Variants in TRPM3 observed in about 807,000 individuals in gnomAD.
The protein encoded by TRPM3 is long transient receptor potential channel 3.
A neutral mutation model predicts 181.2 loss-of-function variants in TRPM3; 77 were observed. The ratio of observed to expected loss-of-function variants is 0.42; its 90% CI spans 0.35 to 0.51. The LOEUF (loss-of-function observed/expected upper bound fraction) is 0.51. Ranked by LOEUF, TRPM3 falls within the 20% of genes least tolerant of loss-of-function variation. The pLI, the probability that TRPM3 is intolerant of heterozygous loss-of-function variation, is 0.01. For synonymous variants in TRPM3, 745 were observed against 796.4 expected, an observed-to-expected ratio of 0.94 and a Z score of 1.09; for missense variants, 1,759 against 2,196.7, an observed-to-expected ratio of 0.80 and a Z score of 3.98.
chr9:71,425,640 G>C (rs2093849985), intron 1 of TRPM3, among the ~76,000 whole-genome samples: 1 of 151,876 alleles, frequency 6.6e-6, no homozygotes, highest in Non-Finnish European at 1.5e-5. Flanking sequence ...CTTTTCTTTT[G>C]CCTTTTCCAA....
At chr9:70,595,412 G>A (rs1368320835) in intron 21 of TRPM3, among the ~76,000 whole-genome samples, 3 of 152,118 alleles carry the variant, frequency 2.0e-5, no homozygotes, top group Non-Finnish European at 2.9e-5. Context: ...TCATAACTGC[G>A]TGTGTGTGTG....
chr9:70,949,381 G>A (rs995621720), intron 1 of TRPM3, among the ~76,000 whole-genome samples: 2 of 151,996 alleles, frequency 1.3e-5, no homozygotes, highest in Non-Finnish European at 2.9e-5. Context: ...CTAAGCAGAT[G>A]TAGCTGTGTT....
intron 8 of TRPM3, among the ~76,000 whole-genome samples, chr9:70,687,251 A>G (rs2067205545): frequency 6.6e-6 from 1 of 152,010 alleles, no homozygotes; most frequent in African/African-American, 2.4e-5. Context: ...TTTTTGTGTT[A>G]TTTGAGGATG....
chr9:71,041,688 T>C (rs1416770058), intron 1 of TRPM3, among the ~76,000 whole-genome samples: 1 of 152,192 alleles, frequency 6.6e-6, no homozygotes, highest in Non-Finnish European at 1.5e-5. Flanking sequence ...GGCCAACTGC[T>C]ACTGTCTTTG....
chr9:71,284,498 A>G (rs2085114417), intron 1 of TRPM3, among the ~76,000 whole-genome samples: 1 of 152,230 alleles, frequency 6.6e-6, no homozygotes, highest in South Asian at 2.1e-4. Flanking sequence ...GTTGTCTCTC[A>G]GCTCGCCTCT....
chr9:70,917,072 A>G (rs957886510), intron 1 of TRPM3: 3 of 1,596,472 alleles, frequency 1.9e-6, no homozygotes, highest in Non-Finnish European at 2.6e-6. Flanking sequence ...GCACTGAGGA[A>G]AGCACTGCAA....
intron 1 of TRPM3, among the ~76,000 whole-genome samples, chr9:71,429,980 C>T (rs1302478316): frequency 1.3e-5 from 2 of 152,290 alleles, no homozygotes; most frequent in East Asian, 3.9e-4. Context: ...CTGACATCTA[C>T]CTAACAGCAA....
intron 8 of TRPM3, among the ~76,000 whole-genome samples, chr9:70,687,058 G>A (rs897769174): frequency 1.3e-5 from 2 of 151,872 alleles, no homozygotes; most frequent in African/African-American, 2.4e-5. Context: ...GCCTCCCAAC[G>A]TGTTGGGATC....
intron 1 of TRPM3, among the ~76,000 whole-genome samples, chr9:71,186,706 G>A (rs539794302): frequency 1.4e-4 from 22 of 152,172 alleles, no homozygotes; most frequent in Non-Finnish European, 2.6e-4. Flanking sequence ...TGTATAGAAA[G>A]TATTAGAAAC....
intron 1 of TRPM3, among the ~76,000 whole-genome samples, chr9:71,204,055 A>G (rs917756368): frequency 5.9e-5 from 9 of 151,850 alleles, no homozygotes; most frequent in African/African-American, 2.2e-4. Context: ...TTATACAAAA[A>G]TTAATTCAAG....
chr9:71,148,274 A>G (rs868030896), intron 1 of TRPM3, among the ~76,000 whole-genome samples: 5 of 152,220 alleles, frequency 3.3e-5, no homozygotes, highest in African/African-American at 9.6e-5. Flanking sequence ...GAACATGTAA[A>G]TAGTTCTCTA....
chr9:71,368,807 A>G (rs1246500594), intron 1 of TRPM3, among the ~76,000 whole-genome samples: 1 of 152,228 alleles, frequency 6.6e-6, no homozygotes, highest in South Asian at 2.1e-4. Flanking sequence ...TTAGACAAAC[A>G]CTAATAAGTA....
chr9:71,311,102 A>C (rs901322527), intron 1 of TRPM3, among the ~76,000 whole-genome samples: 7 of 152,000 alleles, frequency 4.6e-5, no homozygotes, highest in Admixed American at 4.6e-4. Context: ...TTGGAGGGTG[A>C]CTTTAAAGAA....
intron 1 of TRPM3, among the ~76,000 whole-genome samples, chr9:71,010,313 G>C (rs1484816053): frequency 6.6e-6 from 1 of 151,964 alleles, no homozygotes; most frequent in Non-Finnish European, 1.5e-5. Context: ...ATGGGAGAAA[G>C]AAGTTGCAAA....
chr9:70,662,170 G>A (rs1208510344), intron 9 of TRPM3, among the ~76,000 whole-genome samples: 2 of 152,074 alleles, frequency 1.3e-5, no homozygotes, highest in Non-Finnish European at 2.9e-5. Flanking sequence ...CATACATTGG[G>A]AAAAGGACAC....
intron 1 of TRPM3, among the ~76,000 whole-genome samples, chr9:70,929,880 T>G (rs1024784038): frequency 6.6e-6 from 1 of 152,188 alleles, no homozygotes; most frequent in Non-Finnish European, 1.5e-5. Flanking sequence ...GCCTCAGAAT[T>G]TCAGCTCTTC....
At chr9:71,072,671 T>C (rs376189422) in intron 1 of TRPM3, among the ~76,000 whole-genome samples, 40 of 152,258 alleles carry the variant, frequency 2.6e-4, no homozygotes, top group African/African-American at 8.2e-4. Flanking sequence ...ATATCATGCA[T>C]TGTTGAAGGC....
chr9:71,400,803 C>A (rs1450748223), intron 1 of TRPM3, among the ~76,000 whole-genome samples: 1 of 138,704 alleles, frequency 7.2e-6, no homozygotes, highest in Non-Finnish European at 1.6e-5. Context: ...TTTTTTTTTT[C>A]AGAATCCAGA....
chr9:70,917,310 G>C, intron 1 of TRPM3: 1 of 1,300,752 alleles, frequency 7.7e-7, no homozygotes, highest in Non-Finnish European at 1.1e-6. Flanking sequence ...ATTATTAATG[G>C]AGTTTCATGA....
Sources: gnomAD v4.1 joint callset for allele counts (sites outside exome capture counted in the v4.1 genomes callset) on GRCh38, gnomAD v4.1.1 for gene constraint, MANE v1.5 for transcripts, NCBI Gene and HGNC (gene_info 2026-07-23, HGNC 2026-07-21) for gene names.